Variants in IL12RB1 observed in about 807,000 individuals in gnomAD.
IL12RB1 encodes interleukin-12 receptor subunit beta-1.
A neutral mutation model predicts 94.4 loss-of-function variants in IL12RB1; 64 were observed. The ratio of observed to expected loss-of-function variants is 0.68; its 90% confidence interval spans 0.55 to 0.83. IL12RB1 has a LOEUF of 0.83. Ranked by LOEUF, IL12RB1 falls within the 40% of genes least tolerant of loss-of-function variation. The probability of loss-of-function intolerance (pLI) is 0.00; values close to 1 mark genes in which losing one functional copy is unlikely to be tolerated. For missense variants in IL12RB1, 814 were observed against 855.6 expected (o/e 0.95, Z 0.61); for synonymous variants, 362 against 355.5 (o/e 1.02, Z -0.21).
In IL12RB1 at chr19:18,062,244, G is replaced by A. The variant is rs1375534914; in HGVS notation, c.1652C>T (p.Ala551Val). Residue 551 changes from alanine to valine, a missense_variant, in exon 14 of 17, where the codon GCC becomes GTC. Coordinates refer to ENST00000593993, the MANE Select transcript of IL12RB1 (RefSeq NM_005535.3). ...VQVSDWLIFF[A>V]SLGSFLSILL... ...GATGCTCAGGAAGCTCCCCAGGGAG[G>A]CGAAGAAGATGAGCCAATCAGAAAC... 2.5e-6 allele frequency: 4 copies of A among 1,613,072 alleles called. No homozygotes were observed. The highest frequency in any genetic ancestry group is 3.4e-6 in the Non-Finnish European group (4 of 1,179,432).
rs557334989 is a variant in IL12RB1 at position 18,086,761 on chromosome 19, G to A, written c.63C>T (p.Gly21=). The part of the protein sequence containing the change: ...LLFLFLLSRQ[G]AACRTSECCF... ...CCATGCCAGGGTCAGGGGACTCACC[G>A]CCCTGCCTGGACAGCAGGAAGAGGA... is the stretch of plus-strand genomic sequence containing the variant. Residue 21 remains glycine, a splice_region_variant and synonymous_variant, in exon 1 of 17, where the codon GGC becomes GGT. Transcript: ENST00000593993. 38 of 1,609,384 alleles carry A rather than the reference G, an allele frequency of 2.4e-5. No individual in the cohort carries two copies. Among genetic ancestry groups the A allele is most frequent in the South Asian group, 4.4e-5 (4 of 90,430 alleles).
chr19:18,059,770 T>C (rs2033983802), intron 16 of IL12RB1, 124 bp downstream of exon 16: 5 of 728,454 alleles, frequency 6.9e-6, no homozygotes, highest in Admixed American at 2.0e-5. Flanking sequence ...TAAGACAAAG[T>C]GGATGTTTTC....
chr19:18,068,488 G>T lies in IL12RB1; in HGVS notation c.1228C>A (p.Gln410Lys). The T allele has an allele frequency of 6.2e-7, 1 of 1,611,276 alleles. No individual in the cohort carries two copies. Among genetic ancestry groups the T allele is most frequent in the Non-Finnish European group, 8.5e-7 (1 of 1,177,624 alleles). ...SWSRESGAMG[Q>K]EKCYYITIFA... is the part of the protein sequence containing the mutation. Reference sequence around the variant, plus strand: ...ATGGTAATGTAGTAACACTTTTCCTGCCCCATTGCCCCAGACTCTCGACTC... The same window carrying T: ...ATGGTAATGTAGTAACACTTTTCCTTCCCCATTGCCCCAGACTCTCGACTC... The change falls in exon 11 of 17, where the codon CAG becomes AAG. Residue 410 changes from glutamine to lysine, a missense_variant. Gln to Lys is a moderately conservative substitution (Grantham distance 53). Coordinates refer to ENST00000593993, the MANE Select transcript of IL12RB1 (RefSeq NM_005535.3).
chr19:18,061,404 T>C (rs1284314620), intron 14 of IL12RB1, among the ~76,000 whole-genome samples: 1 of 152,028 alleles, frequency 6.6e-6, no homozygotes, highest in Admixed American at 6.6e-5. Context: ...CTAATTTTTG[T>C]AGTTTTGGTA....
chr19:18,076,151 T>C, intron 6 of IL12RB1, 146 bp downstream of exon 6: 2 of 704,568 alleles, frequency 2.8e-6, no homozygotes, highest in Non-Finnish European at 5.2e-6. Flanking sequence ...TTTCCCCACC[T>C]GCAATTTGGA....
At chr19:18,069,478 T>A in intron 10 of IL12RB1, 68 bp downstream of exon 10, 1 of 1,446,836 alleles carries the variant, frequency 6.9e-7, no homozygotes, top group South Asian at 1.3e-5. Context: ...CCTGCAGGTT[T>A]GAACCCACCA....
intron 9 of IL12RB1, chr19:18,070,461 G>A: frequency 2.2e-6 from 2 of 916,152 alleles, no homozygotes; most frequent in Non-Finnish European, 1.3e-6. Context: ...AAACTCAGAA[G>A]CACGAGCACA....
At position 18,080,825 on chromosome 19, in the gene IL12RB1, T is replaced by C; in HGVS notation, c.409+7A>G. 1 of 1,592,918 alleles carries C rather than the reference T, an allele frequency of 6.3e-7. No individual in the cohort carries two copies. Among genetic ancestry groups the C allele is most frequent in the Non-Finnish European group, 8.6e-7 (1 of 1,160,738 alleles). On this transcript the variant is annotated splice_region_variant and intron_variant, in intron 4 of 16. Transcript: ENST00000593993. Reference sequence around the variant, plus strand: ...AAAAACGGACGGGGGGAGAACAAGGTGCTAACCTGAGTTGTAGAGCTGCAG... The same window carrying C: ...AAAAACGGACGGGGGGAGAACAAGGCGCTAACCTGAGTTGTAGAGCTGCAG...
At chr19:18,065,233 T>C (rs894009431) in intron 12 of IL12RB1, among the ~76,000 whole-genome samples, 1 of 152,160 alleles carries the variant, frequency 6.6e-6, no homozygotes, top group Admixed American at 6.6e-5. Context: ...AACCCTGTTT[T>C]GTGGGCTTTC....
At chr19:18,085,107 C>A (rs1161506312) in intron 1 of IL12RB1, among the ~76,000 whole-genome samples, 5 of 152,284 alleles carry the variant, frequency 3.3e-5, no homozygotes, top group Middle Eastern at 3.4e-3. Flanking sequence ...AGGTGTGGAA[C>A]TGGGTGAGAG....
intron 1 of IL12RB1, among the ~76,000 whole-genome samples, chr19:18,086,371 C>T (rs2036343470): frequency 6.6e-6 from 1 of 151,990 alleles, no homozygotes; most frequent in African/African-American, 2.4e-5. Flanking sequence ...TGCAGAGGGT[C>T]CTGGAACCAT....
rs17883535 is a variant in IL12RB1, at chr19:18,083,214, G to A, written c.124+218C>T. The A allele has an allele frequency of 2.6e-3, 1,691 of 643,126 alleles. 21 individuals are homozygous for A. Among genetic ancestry groups the A allele is most frequent in the African/African-American group, 0.025 (1,404 of 55,900 alleles). 39.8% of individuals were successfully genotyped at this position (643,126 alleles called of 1,614,324 possible). On this transcript the variant is annotated intron_variant, in intron 2 of 16. Transcript: ENST00000593993. ...ACACAGACACCAGCCCTGAGACCAT[G>A]CTAGGGAAGTGATAATGTTCAGAGA... is the stretch of plus-strand genomic sequence containing the variant.
intron 9 of IL12RB1, chr19:18,070,579 G>A (rs1209244914): frequency 1.8e-5 from 17 of 969,712 alleles, no homozygotes; most frequent in East Asian, 1.1e-4. Context: ...AGCAACAGCC[G>A]TTTATTGAGT....
In IL12RB1 at chr19:18,083,473, T is replaced by G. The variant is rs757407762; in HGVS notation, c.83A>C (p.Glu28Ala). 5.6e-6 allele frequency: 9 copies of G among 1,612,618 alleles called. No homozygotes were observed. Among genetic ancestry groups the G allele is most frequent in the Admixed American group, 5.0e-5 (3 of 59,984 alleles). ...ATATGGCGGGTCCTGAAAACAGCACTCACTGGTTCTGCAGGCAGCTGCAAA... is the reference window on the plus strand; with the variant it reads ...ATATGGCGGGTCCTGAAAACAGCACGCACTGGTTCTGCAGGCAGCTGCAAA... ...SRQGAACRTS[E>A]CCFQDPPYPD... is the part of the protein sequence containing the mutation. The change falls in exon 2 of 17, where the codon GAG becomes GCG. Residue 28 changes from glutamate (E) to alanine (A), a missense_variant. By Grantham distance (107) the Glu-to-Ala change is moderately radical. Transcript: ENST00000593993.
intron 4 of IL12RB1, among the ~76,000 whole-genome samples, chr19:18,079,645 C>G (rs529917782): frequency 6.6e-6 from 1 of 150,508 alleles, no homozygotes; most frequent in African/African-American, 2.5e-5. Context: ...CGCGGTGGCT[C>G]ACGCCTGTAA....
At chr19:18,064,076 C>G in intron 12 of IL12RB1, 66 bp from the exon 13 acceptor site, 6 of 1,164,170 alleles carry the variant, frequency 5.2e-6, no homozygotes, top group African/African-American at 1.5e-5. Flanking sequence ...GGCTGGGCTA[C>G]CACAGCCTGT....
At position 18,075,791 on chromosome 19, in the gene IL12RB1, T is replaced by C. The variant is rs780761180; in HGVS notation, c.658A>G (p.Ser220Gly). 3 of 1,613,242 alleles carry C rather than the reference T, an allele frequency of 1.9e-6. No homozygotes were observed. Among genetic ancestry groups the C allele is most frequent in the Non-Finnish European group, 2.5e-6 (3 of 1,179,210 alleles). Residue 220 changes from serine to glycine, a missense_variant, in exon 7 of 17, where the codon AGT becomes GGT. By Grantham distance (56) the Ser-to-Gly change is moderately conservative (BLOSUM62 0). Transcript: ENST00000593993. ...GGGCTGCTCCACTTGCTCCAGGAAC[T>C]TCCTTGGCTCCCCAGCTGCCGTCGT... ...LRRRQLGSQG[S>G]SWSKWSSPVC...
At position 18,068,371 on chromosome 19, in the gene IL12RB1, C is replaced by T. The variant is rs2146198373; in HGVS notation, c.1327+18G>A. The T allele has an allele frequency of 6.3e-7, 1 of 1,584,460 alleles. No individual in the cohort carries two copies. The highest frequency in any genetic ancestry group is 2.2e-5 in the East Asian group (1 of 44,604). On this transcript the variant is annotated intron_variant, in intron 11 of 16. Transcript: ENST00000593993. ...AAAAAGAAAAAATAATGTAAACCTGCAGGTTTGGGTCACTTACCATTGCCC... is the reference window on the plus strand; with the variant it reads ...AAAAAGAAAAAATAATGTAAACCTGTAGGTTTGGGTCACTTACCATTGCCC...
intron 13 of IL12RB1, among the ~76,000 whole-genome samples, chr19:18,063,076 C>CTTTTTTTTTTTTTTTTTTTT (rs1345434373): frequency 1.3e-5 from 1 of 75,190 alleles, no homozygotes; most frequent in African/African-American, 6.5e-5. Flanking sequence ...TCTTCTTCTT[C>CTTTTTTTTTTTTTTTTTTTT]TATTTTTTTT....
Sources: gnomAD v4.1 joint callset for allele counts (sites outside exome capture counted in the v4.1 genomes callset) on GRCh38, gnomAD v4.1.1 for gene constraint, MANE v1.5 for transcripts, NCBI Gene and HGNC (gene_info 2026-07-23, HGNC 2026-07-21) for gene names.